Variants in RPRD1A observed in about 807,000 individuals in gnomAD.
RPRD1A encodes the protein regulation of nuclear pre-mRNA domain containing 1A.
RPRD1A carries 9 observed loss-of-function variants against 37.8 expected under a neutral mutation model. That is an observed-to-expected ratio of 0.24 (90% CI 0.14 to 0.42). The LOEUF is 0.42. RPRD1A is among the 10% of genes least tolerant of loss of function. The probability of loss-of-function intolerance (pLI) is 1.00; values close to 1 mark genes in which losing one functional copy is unlikely to be tolerated. For synonymous variants in RPRD1A, 138 were observed against 139.7 expected, an observed-to-expected ratio of 0.99 and a Z score of 0.08; for missense variants, 255 against 371.0, an observed-to-expected ratio of 0.69 and a Z score of 2.57.
chr18:36,002,069 G>A (rs1361073689), intron 6 of RPRD1A, among the ~76,000 whole-genome samples: 1 of 119,622 alleles, frequency 8.4e-6, no homozygotes, highest in Non-Finnish European at 1.8e-5. Context: ...CTTTGAATAT[G>A]GCATGCCTAA....
chr18:36,044,478 A>C (rs1168153976), intron 1 of RPRD1A, among the ~76,000 whole-genome samples: 1 of 152,114 alleles, frequency 6.6e-6, no homozygotes, highest in African/African-American at 2.4e-5. Flanking sequence ...ACCAGAGGAC[A>C]TGAGTTCGAG....
chr18:36,065,253 A>T lies in RPRD1A; in HGVS notation c.151+2001T>A, dbSNP rs150779922. ...TAATATAGGTATCTATAAACAAAAG[A>T]AGTACTGTTTTGCATGTTTTTAGAC... On this transcript the variant is annotated intron_variant, in intron 1 of 6. Coordinates refer to ENST00000399022, the MANE Select transcript of RPRD1A (RefSeq NM_018170.5). Among the ~76,000 whole-genome samples, 158 of 152,320 alleles carry T rather than the reference A, an allele frequency of 1.0e-3. 1 individual carries two copies. Among genetic ancestry groups the T allele is most frequent in the African/African-American group, 3.3e-3 (139 of 41,588 alleles).
rs987595803 is a variant in RPRD1A, at chr18:35,992,992, GT to G, written c.*158del. 38 of 545,014 alleles carry G rather than the reference GT, an allele frequency of 7.0e-5. No individual in the cohort carries two copies. The African/African-American group carries it at 7.2e-4, about 10-fold the overall frequency. 33.8% of individuals were successfully genotyped at this position (545,014 alleles called of 1,614,324 possible). A position where few individuals can be genotyped will look rare whatever the true frequency, so the allele number is the denominator to read the frequency against. ...GTCATGTTAATTTACCAATAAAATA[GT>G]AAACAAACCAACATTTTAAACAATT... On this transcript the variant is annotated 3_prime_UTR_variant, in exon 7 of 7. Coordinates refer to ENST00000399022, the MANE Select transcript of RPRD1A (RefSeq NM_018170.5).
intron 6 of RPRD1A, among the ~76,000 whole-genome samples, chr18:35,996,773 T>C (rs932247495): frequency 1.3e-5 from 2 of 151,824 alleles, no homozygotes; most frequent in Non-Finnish European, 2.9e-5. Context: ...GCTCAGGAGT[T>C]TGAGACCAGC....
In RPRD1A at chr18:36,052,469, A is replaced by C. The variant is rs1285221014; in HGVS notation, c.151+14785T>G. 2.0e-5 allele frequency among the ~76,000 whole-genome samples: 3 copies of C among 152,238 alleles called. No individual in the cohort carries two copies. The East Asian group carries it at 5.8e-4, about 29-fold the overall frequency. ...GTTTCCTATGTGATTTAAAAATCAA[A>C]TGCATAAAACATGTTTATCAAATGG... On this transcript the variant is annotated intron_variant, in intron 1 of 6. Transcript: ENST00000399022.
intron 6 of RPRD1A, among the ~76,000 whole-genome samples, chr18:35,996,736 G>A (rs77954245): frequency 0.016 from 2,483 of 152,134 alleles, 88 homozygotes; most frequent in Admixed American, 0.081. Context: ...CCAGCATTTT[G>A]AGGCCGAAGT....
Position 36,005,323 on chromosome 18 carries a change from A to C in RPRD1A, c.790-12023T>G, listed in dbSNP as rs191484831. On this transcript the variant is annotated intron_variant, in intron 6 of 6. Transcript: ENST00000399022. ...CTCAAAAAAAATAAAATAAAAAAAAACTGCATATTTGCAACTATTTAAAAC... is the reference window on the plus strand; with the variant it reads ...CTCAAAAAAAATAAAATAAAAAAAACCTGCATATTTGCAACTATTTAAAAC... Among the ~76,000 whole-genome samples the C allele has an allele frequency of 7.4e-3, 1,132 of 152,230 alleles. 10 individuals are homozygous for C. The highest frequency in any genetic ancestry group is 0.014 in the Middle Eastern group (4 of 294).
chr18:36,031,966 A>G (rs1718867963), intron 2 of RPRD1A, among the ~76,000 whole-genome samples: 1 of 152,164 alleles, frequency 6.6e-6, no homozygotes, highest in African/African-American at 2.4e-5. Context: ...GTCCTCAAAC[A>G]TGTCCAGCAT....
intron 1 of RPRD1A, among the ~76,000 whole-genome samples, chr18:36,060,640 C>T (rs904837778): frequency 5.9e-5 from 9 of 152,096 alleles, no homozygotes; most frequent in African/African-American, 2.2e-4. Flanking sequence ...AATAGGTAAA[C>T]AACCTGAAGG....
intron 1 of RPRD1A, among the ~76,000 whole-genome samples, chr18:36,051,538 C>A (rs1382539557): frequency 6.6e-6 from 1 of 152,092 alleles, no homozygotes; most frequent in Non-Finnish European, 1.5e-5. Flanking sequence ...TCTAATACCC[C>A]TTCCAATTCT....
At chr18:36,054,283 G>A (rs1025559144) in intron 1 of RPRD1A, among the ~76,000 whole-genome samples, 1 of 152,144 alleles carries the variant, frequency 6.6e-6, no homozygotes, top group African/African-American at 2.4e-5. Context: ...TTGAGGTCAC[G>A]AGTTCAAGAC....
Position 36,033,840 on chromosome 18 carries a change from GA to G in RPRD1A, c.152-4del. 6.3e-7 allele frequency: 1 copy of G among 1,592,534 alleles called. No individual in the cohort carries two copies. Among genetic ancestry groups the G allele is most frequent in the Non-Finnish European group, 8.5e-7 (1 of 1,172,460 alleles). ...AGTAAGCTTCCTGTTTGGTTTGGCTGAAAAATAAGAAAAAGTTAAAAATCTA... is the reference window on the plus strand; with the variant it reads ...AGTAAGCTTCCTGTTTGGTTTGGCTGAAAATAAGAAAAAGTTAAAAATCTA... On this transcript the variant is annotated splice_polypyrimidine_tract_variant and splice_region_variant and intron_variant, in intron 1 of 6. Transcript: ENST00000399022.
chr18:36,046,853 TCATAA>T (rs1411773119), intron 1 of RPRD1A, among the ~76,000 whole-genome samples: 2 of 140,872 alleles, frequency 1.4e-5, no homozygotes, highest in Non-Finnish European at 3.1e-5. Flanking sequence ...ACCTAGAGTC[TCATAA>T]CATAACCTCC....
chr18:36,023,365 G>A (rs1911139968), intron 6 of RPRD1A, among the ~76,000 whole-genome samples: 1 of 152,196 alleles, frequency 6.6e-6, no homozygotes, highest in Non-Finnish European at 1.5e-5. Flanking sequence ...GCTGCAAATA[G>A]CAAGAGAACG....
chr18:36,030,096 G>A (rs1911666457), intron 4 of RPRD1A, among the ~76,000 whole-genome samples: 1 of 151,242 alleles, frequency 6.6e-6, no homozygotes, highest in African/African-American at 2.4e-5. Context: ...GTGAGCCACT[G>A]CGCCCGGCCA....
At chr18:36,014,464 C>A (rs1910370866) in intron 6 of RPRD1A, among the ~76,000 whole-genome samples, 1 of 152,348 alleles carries the variant, frequency 6.6e-6, no homozygotes, top group African/African-American at 2.4e-5. Flanking sequence ...CAAGGCTGGG[C>A]GCCATGGCTC....
Position 35,992,787 on chromosome 18 carries a change from T to G in RPRD1A, c.*364A>C, listed in dbSNP as rs1037110031. 5.8e-6 allele frequency: 1 copy of G among 172,844 alleles called. No individual in the cohort carries two copies. The highest frequency in any genetic ancestry group is 2.4e-5 in the African/African-American group (1 of 41,638). 10.7% of individuals were successfully genotyped at this position (172,844 alleles called of 1,614,324 possible). Reference sequence around the variant, plus strand: ...CTTCCCCTTCAGGAATTACATAGTATACAGTGATTAAATGCTGAAGAAAAT... The same window carrying G: ...CTTCCCCTTCAGGAATTACATAGTAGACAGTGATTAAATGCTGAAGAAAAT... On this transcript the variant is annotated 3_prime_UTR_variant, in exon 7 of 7. Transcript: ENST00000399022.
At chr18:35,998,085 G>A (rs867634548) in intron 6 of RPRD1A, among the ~76,000 whole-genome samples, 1 of 152,300 alleles carries the variant, frequency 6.6e-6, no homozygotes, top group South Asian at 2.1e-4. Flanking sequence ...AGGGCTGGGC[G>A]CAGTGGCTCA....
intron 1 of RPRD1A, among the ~76,000 whole-genome samples, chr18:36,038,663 G>A (rs1369420638): frequency 6.6e-6 from 1 of 152,176 alleles, no homozygotes; most frequent in Non-Finnish European, 1.5e-5. Context: ...CCTCAGAATG[G>A]TAGATCCACA....
Sources: allele counts gnomAD v4.1 joint callset (sites outside exome capture counted in the v4.1 genomes callset), GRCh38; gene constraint gnomAD v4.1.1; transcripts MANE v1.5; gene names NCBI Gene and HGNC (gene_info 2026-07-23, HGNC 2026-07-21).